The following L3MBTL3 variants were observed in gnomAD, a reference collection of about 807,000 sequenced individuals.
L3MBTL3 encodes lethal(3)malignant brain tumor-like protein 3.
L3MBTL3 carries 27 observed loss-of-function variants against 102.3 expected under a neutral mutation model. The ratio of observed to expected loss-of-function variants is 0.26; its 90% CI spans 0.19 to 0.36. The LOEUF (loss-of-function observed/expected upper bound fraction) is 0.36. Ranked by LOEUF, L3MBTL3 falls within the 10% of genes least tolerant of loss-of-function variation. The probability of loss-of-function intolerance (pLI) is 1.00; values close to 1 mark genes in which losing one functional copy is unlikely to be tolerated. For synonymous variants in L3MBTL3, 340 were observed against 320.9 expected (o/e 1.06, Z -0.64); for missense variants, 798 against 955.3 (o/e 0.84, Z 2.17).
intron 12 of L3MBTL3, 166 bp from the exon 13 acceptor site, chr6:130,070,807 TTTG>T: frequency 1.8e-5 from 5 of 284,874 alleles, no homozygotes; most frequent in Non-Finnish European, 3.3e-5. Context: ...TTTTTTTTTT[TTTG>T]CGGCTTGTTG....
At position 130,066,381 on chromosome 6, in the gene L3MBTL3, T is replaced by C. The variant is rs1282295845; in HGVS notation, c.893T>C (p.Phe298Ser). The change falls in exon 11 of 23, where the codon TTT becomes TCT. Residue 298 changes from phenylalanine to serine, a missense_variant. Around this residue, in one of 4 missense-constraint regions of L3MBTL3, gnomAD observed 434 missense variants for 506.6 expected, o/e 0.86. Coordinates refer to ENST00000361794, the MANE Select transcript of L3MBTL3 (RefSeq NM_032438.4). ...EVCGYRIKLHFDGYSDCYDFW... is the reference protein window; with the variant it reads ...EVCGYRIKLHSDGYSDCYDFW... ...TGTGGATACCGGATAAAGCTTCACT[T>C]TGATGGGTATTCTGATTGCTATGAC... The C allele has an allele frequency of 1.2e-6, 2 of 1,608,728 alleles. No individual in the cohort carries two copies. Among genetic ancestry groups the C allele is most frequent in the Admixed American group, 3.4e-5 (2 of 59,222 alleles).
chr6:130,023,153 T>C (rs574824049), intron 2 of L3MBTL3, among the ~76,000 whole-genome samples: 1 of 152,178 alleles, frequency 6.6e-6, no homozygotes, highest in Non-Finnish European at 1.5e-5. Context: ...AAATCTTGTT[T>C]GGCAAAAACA....
In L3MBTL3 at chr6:130,136,429, C is replaced by T. The variant is rs928787101; in HGVS notation, c.2199+2524C>T. Among the ~76,000 whole-genome samples the T allele has an allele frequency of 8.5e-5, 13 of 152,108 alleles. 1 individual carries two copies. Among genetic ancestry groups the T allele is most frequent in the African/African-American group, 2.4e-4 (10 of 41,418 alleles). On this transcript the variant is annotated intron_variant, in intron 22 of 22. Transcript: ENST00000361794. ...TCCTCTGATTGTCCAGGCTTGCTCC[C>T]GCTCCTCCTTCTGCACAGAACACTC...
intron 2 of L3MBTL3, 118 bp from the exon 3 acceptor site, chr6:130,042,567 A>G: frequency 1.8e-6 from 1 of 561,198 alleles, no homozygotes; most frequent in East Asian, 2.9e-5. Context: ...ATCCAGGGAT[A>G]TGGGATATTG....
chr6:130,115,309 C>T (rs1785595456), intron 19 of L3MBTL3, among the ~76,000 whole-genome samples: 1 of 152,142 alleles, frequency 6.6e-6, no homozygotes, highest in Non-Finnish European at 1.5e-5. Flanking sequence ...GATGCTGGGC[C>T]AGCAATAACT....
In L3MBTL3 at chr6:130,070,311, G is replaced by T. The variant is rs553987480; in HGVS notation, c.1093-665G>T. On this transcript the variant is annotated intron_variant, in intron 12 of 22. Transcript: ENST00000361794. Reference sequence around the variant, plus strand: ...CTCTTACAGAACTTTCATTGTTTTTGTTCCATGTTCTGAATGACTGGTTAT... The same window carrying T: ...CTCTTACAGAACTTTCATTGTTTTTTTTCCATGTTCTGAATGACTGGTTAT... 2.6e-5 allele frequency among the ~76,000 whole-genome samples: 4 copies of T among 152,170 alleles called. No homozygotes were observed. The East Asian group carries it at 5.8e-4, about 22-fold the overall frequency.
intron 12 of L3MBTL3, among the ~76,000 whole-genome samples, chr6:130,070,399 T>C (rs1008215113): frequency 6.6e-6 from 1 of 152,234 alleles, no homozygotes; most frequent in Admixed American, 6.5e-5. Flanking sequence ...GCCAATTCTT[T>C]TGCTGCTATT....
At chr6:130,051,938 A>G (rs1231179237) in intron 6 of L3MBTL3, among the ~76,000 whole-genome samples, 1 of 152,120 alleles carries the variant, frequency 6.6e-6, no homozygotes, top group African/African-American at 2.4e-5. Flanking sequence ...TGTAACTGGT[A>G]GTGGTGTGTG....
intron 10 of L3MBTL3, among the ~76,000 whole-genome samples, chr6:130,062,816 G>T (rs1288363596): frequency 2.7e-5 from 4 of 149,092 alleles, no homozygotes; most frequent in Non-Finnish European, 5.9e-5. Context: ...AAAAAAAAAA[G>T]GTCCAGTGAG....
chr6:130,019,361 G>A (rs1157452016), intron 1 of L3MBTL3: 2 of 147,194 alleles, frequency 1.4e-5, no homozygotes, highest in South Asian at 2.1e-4. Flanking sequence ...CGGGAGGCGC[G>A]AGCCCCGCGC....
intron 18 of L3MBTL3, among the ~76,000 whole-genome samples, chr6:130,102,970 G>A (rs887052341): frequency 1.3e-5 from 2 of 152,052 alleles, no homozygotes; most frequent in African/African-American, 4.8e-5. Flanking sequence ...TCTTTTTATT[G>A]TCCACTGAGT....
chr6:130,131,793 G>A (rs1381159291), intron 20 of L3MBTL3, among the ~76,000 whole-genome samples: 2 of 152,194 alleles, frequency 1.3e-5, no homozygotes, highest in Non-Finnish European at 2.9e-5. Context: ...CTGTCCTGGC[G>A]CTGGTGAGAG....
At chr6:130,109,023 A>C (rs1001843246) in intron 19 of L3MBTL3, among the ~76,000 whole-genome samples, 1 of 152,168 alleles carries the variant, frequency 6.6e-6, no homozygotes, top group African/African-American at 2.4e-5. Flanking sequence ...ATGTCCCTGC[A>C]AAGGACATGA....
chr6:130,113,433 A>G (rs796668192), intron 19 of L3MBTL3, among the ~76,000 whole-genome samples: 14 of 152,338 alleles, frequency 9.2e-5, no homozygotes, highest in African/African-American at 3.4e-4. Flanking sequence ...CATGAAATCT[A>G]TTCTATAGCT....
chr6:130,133,201 C>T lies in L3MBTL3; in HGVS notation c.1967-251C>T, dbSNP rs558456840. Among the ~76,000 whole-genome samples, 19 of 152,298 alleles carry T rather than the reference C, an allele frequency of 1.2e-4. No homozygotes were observed. The highest frequency in any genetic ancestry group is 1.9e-4 in the East Asian group (1 of 5,186). Reference sequence around the variant, plus strand: ...CTTATCTGAAGCATTAAAGAGACAACGTTGAACAACATAATGAAGCATGTC... The same window carrying T: ...CTTATCTGAAGCATTAAAGAGACAATGTTGAACAACATAATGAAGCATGTC... On this transcript the variant is annotated intron_variant, in intron 20 of 22. Coordinates refer to ENST00000361794, the MANE Select transcript of L3MBTL3 (RefSeq NM_032438.4). The surrounding 1 kb of genome is among the most constrained non-coding windows in gnomAD (Gnocchi z 4.9).
intron 20 of L3MBTL3, among the ~76,000 whole-genome samples, chr6:130,121,643 TC>T (rs1285385587): frequency 6.6e-6 from 1 of 152,150 alleles, no homozygotes; most frequent in Non-Finnish European, 1.5e-5. Flanking sequence ...ATCATTTGCT[TC>T]CTGTGTTTAA....
intron 2 of L3MBTL3, among the ~76,000 whole-genome samples, chr6:130,034,075 G>A (rs1279876828): frequency 2.0e-5 from 3 of 152,110 alleles, no homozygotes; most frequent in Non-Finnish European, 4.4e-5. Flanking sequence ...TCAGCCCCAG[G>A]CAGCCTCTTT....
chr6:130,063,990 T>C (rs1287357938), intron 10 of L3MBTL3, among the ~76,000 whole-genome samples: 1 of 152,080 alleles, frequency 6.6e-6, no homozygotes, highest in East Asian at 1.9e-4. Flanking sequence ...ACACTGCGAG[T>C]ATTATTTTGG....
At chr6:130,084,101 A>G (rs1339908981) in intron 15 of L3MBTL3, among the ~76,000 whole-genome samples, 3 of 152,270 alleles carry the variant, frequency 2.0e-5, no homozygotes, top group Non-Finnish European at 4.4e-5. Flanking sequence ...GCAAGCTGAG[A>G]TGCTGGGTTT....
Sources: gnomAD v4.1 joint callset for allele counts (sites outside exome capture counted in the v4.1 genomes callset) on GRCh38, gnomAD v4.1.1 for gene constraint, gnomAD v4.1.1 regional missense constraint, Gnocchi (gnomAD v3.1) non-coding constraint, MANE v1.5 for transcripts, NCBI Gene and HGNC (gene_info 2026-07-23, HGNC 2026-07-21) for gene names.